JAK2: variants seen among roughly 807,000 people sequenced by gnomAD.
JAK2 encodes the protein Janus kinase 2, also known as tyrosine-protein kinase JAK2.
In JAK2, 86 loss-of-function variants were observed where a neutral mutation model predicts 139.3. That is an observed-to-expected ratio of 0.62 (90% confidence interval 0.52 to 0.74). The LOEUF (loss-of-function observed/expected upper bound fraction) is 0.74, where lower values mean the gene tolerates loss of function less well. Ranked by LOEUF, JAK2 falls within the 30% of genes least tolerant of loss-of-function variation. The pLI is 0.00. For synonymous variants in JAK2, 490 were observed against 437.7 expected (o/e 1.12, Z -1.49); for missense variants, 1,421 against 1,360.3 (o/e 1.04, Z -0.70).
chr9:4,987,747 AAAAAG>A (rs1318897742), intron 2 of JAK2, among the ~76,000 whole-genome samples: 24 of 151,964 alleles, frequency 1.6e-4, no homozygotes, highest in Admixed American at 5.9e-4. Context: ...AAAAAAAAAA[AAAAAG>A]AAAGAAAAAA....
chr9:5,002,715 G>A (rs1198089067), intron 2 of JAK2, among the ~76,000 whole-genome samples: 1 of 151,900 alleles, frequency 6.6e-6, no homozygotes, highest in Non-Finnish European at 1.5e-5. Context: ...CCTGAGAAAT[G>A]AGTATTGAAA....
intron 22 of JAK2, among the ~76,000 whole-genome samples, chr9:5,104,357 A>G (rs1006711603): frequency 2.0e-5 from 3 of 152,222 alleles, no homozygotes; most frequent in Non-Finnish European, 4.4e-5. Context: ...TCCCAAGACT[A>G]AACCAGGAAG....
intron 22 of JAK2, among the ~76,000 whole-genome samples, chr9:5,105,766 A>G (rs574005646): frequency 6.6e-6 from 1 of 152,240 alleles, no homozygotes; most frequent in Non-Finnish European, 1.5e-5. Flanking sequence ...CCACACATCT[A>G]CAACCATCTG....
At position 5,114,628 on chromosome 9, in the gene JAK2, C is replaced by G. The variant is rs16935759; in HGVS notation, c.3060-8376C>G. 4.0e-3 allele frequency: 1,911 copies of G among 482,864 alleles called. 27 individuals are homozygous for G. Among genetic ancestry groups the G allele is most frequent in the African/African-American group, 0.034 (1,759 of 50,992 alleles). The allele number at this position is 482,864 out of a possible 1,614,324, so 29.9% of individuals were successfully genotyped here. On this transcript the variant is annotated intron_variant, in intron 22 of 24. Coordinates refer to ENST00000381652, the MANE Select transcript of JAK2 (RefSeq NM_004972.4). ...TACAACGAGGTGCAGCTCCCGGACA[C>G]TTGGCACAGCATGACGCAGCCCCGC...
rs2130407339 is a variant in JAK2 at position 5,054,637 on chromosome 9, G to A, written c.689G>A (p.Arg230Lys). Residue 230 changes from arginine (R) to lysine (K), a missense_variant, in exon 7 of 25, where the codon AGG (arginine) becomes AAG (lysine). By Grantham distance (26) the Arg-to-Lys change is conservative. Coordinates refer to ENST00000381652, the MANE Select transcript of JAK2 (RefSeq NM_004972.4). This position sits in a 1 kb window ranked among gnomAD's most constrained non-coding sequence, Gnocchi z 4.9. The part of the protein sequence containing the change: ...DYHILTRKRI[R>K]YRFRRFIQQF... ...CATATTTTGACAAGGAAGCGAATAAGGTACAGATTTCGCAGATTTATTCAG... is the reference window on the plus strand; with the variant it reads ...CATATTTTGACAAGGAAGCGAATAAAGTACAGATTTCGCAGATTTATTCAG... The A allele has an allele frequency of 6.2e-7, 1 of 1,613,054 alleles. No homozygotes were observed. Among genetic ancestry groups the A allele is most frequent in the South Asian group, 1.1e-5 (1 of 90,974 alleles).
intron 8 of JAK2, among the ~76,000 whole-genome samples, chr9:5,060,487 C>T (rs1818089490): frequency 6.6e-6 from 1 of 152,222 alleles, no homozygotes; most frequent in South Asian, 2.1e-4. Context: ...ACAACATTCA[C>T]AGCATCTTCA....
chr9:5,117,576 A>C (rs1823291357), intron 22 of JAK2, among the ~76,000 whole-genome samples: 1 of 152,216 alleles, frequency 6.6e-6, no homozygotes, highest in African/African-American at 2.4e-5. Context: ...AAAAATGTAA[A>C]ACAATGTGAC....
rs963523056 is a variant in JAK2 at position 5,111,474 on chromosome 9, C to G, written c.3060-11530C>G. 13 of 386,218 alleles carry G rather than the reference C, an allele frequency of 3.4e-5. No individual in the cohort carries two copies. In the Admixed American group the frequency reaches 3.8e-4, roughly 11 times the overall value. 23.9% of individuals were successfully genotyped at this position (386,218 alleles called of 1,614,324 possible). A position where few individuals can be genotyped will look rare whatever the true frequency, so the allele number is the denominator to read the frequency against. On this transcript the variant is annotated intron_variant, in intron 22 of 24. Coordinates refer to ENST00000381652, the MANE Select transcript of JAK2 (RefSeq NM_004972.4). ...CCATCCTCGGCGTACCTGCCCAGCT[C>G]AGGTGAGGAGTACGGTAGGGATGCC... is the stretch of plus-strand genomic sequence containing the variant.
intron 6 of JAK2, among the ~76,000 whole-genome samples, chr9:5,052,795 A>G (rs10974937): frequency 6.6e-6 from 1 of 152,200 alleles, no homozygotes; most frequent in East Asian, 1.9e-4. Context: ...GATGTTTCCA[A>G]GGTTCATTCA....
chr9:5,041,283 A>T, intron 4 of JAK2: 1 of 1,058,400 alleles, frequency 9.4e-7, no homozygotes, highest in South Asian at 1.4e-5. Context: ...GCCAAGGGGT[A>T]CACTGGTCTC....
intron 2 of JAK2, among the ~76,000 whole-genome samples, chr9:5,001,339 AT>A (rs1468251325): frequency 6.6e-6 from 1 of 152,110 alleles, no homozygotes; most frequent in Non-Finnish European, 1.5e-5. Context: ...GATGATCTTT[AT>A]TTTATTGAGG....
intron 19 of JAK2, among the ~76,000 whole-genome samples, chr9:5,087,168 A>T (rs1383553050): frequency 2.0e-5 from 3 of 152,218 alleles, no homozygotes; most frequent in Non-Finnish European, 4.4e-5. Context: ...GAGACTGGGT[A>T]ATTTATAAAG....
intron 10 of JAK2, among the ~76,000 whole-genome samples, chr9:5,068,178 A>C (rs547378966): frequency 0.16 from 24,419 of 150,454 alleles, 2,225 homozygotes; most frequent in Middle Eastern, 0.23. Flanking sequence ...CAACAACAAA[A>C]AAAAAAAAAA....
chr9:5,063,172 C>A (rs535187919), intron 8 of JAK2, among the ~76,000 whole-genome samples: 3 of 152,170 alleles, frequency 2.0e-5, no homozygotes, highest in African/African-American at 7.2e-5. Context: ...ATTGCTGGGC[C>A]AAGAAATATG....
chr9:5,018,239 CCTTT>C (rs1822196169), intron 2 of JAK2, among the ~76,000 whole-genome samples: 1 of 152,048 alleles, frequency 6.6e-6, no homozygotes, highest in Non-Finnish European at 1.5e-5. Flanking sequence ...ACATTTGAAT[CCTTT>C]CTTGTCTGTG....
intron 18 of JAK2, among the ~76,000 whole-genome samples, chr9:5,080,949 G>A (rs1163866791): frequency 1.5e-5 from 2 of 132,356 alleles, no homozygotes; most frequent in Non-Finnish European, 3.1e-5. Context: ...AGGCTGGAGT[G>A]CAGTGGCGCG....
intron 4 of JAK2, among the ~76,000 whole-genome samples, chr9:5,031,196 C>T (rs922366069): frequency 2.0e-5 from 3 of 152,062 alleles, no homozygotes; most frequent in Non-Finnish European, 2.9e-5. Context: ...AGGCATTTTA[C>T]GGAATTTGAC....
chr9:5,001,331 TG>T (rs1820913258), intron 2 of JAK2, among the ~76,000 whole-genome samples: 1 of 152,208 alleles, frequency 6.6e-6, no homozygotes, highest in Admixed American at 6.5e-5. Flanking sequence ...TGTTTGTAGA[TG>T]ATCTTTATTT....
At chr9:4,995,492 A>C (rs1343202566) in intron 2 of JAK2, among the ~76,000 whole-genome samples, 1 of 152,230 alleles carries the variant, frequency 6.6e-6, no homozygotes. Flanking sequence ...GTCCAGTTTC[A>C]ATACTATTTG....
Sources: allele counts gnomAD v4.1 joint callset (sites outside exome capture counted in the v4.1 genomes callset), GRCh38; gene constraint gnomAD v4.1.1; non-coding constraint Gnocchi (gnomAD v3.1); transcripts MANE v1.5; gene names NCBI Gene and HGNC (gene_info 2026-07-23, HGNC 2026-07-21).